Variants in TENM3 observed in about 807,000 individuals in gnomAD.
TENM3 encodes teneurin-3.
Under a neutral mutation model 255.1 loss-of-function variants are expected in TENM3, and 63 were observed. That is an observed-to-expected ratio of 0.25 (90% CI 0.20 to 0.30). TENM3 has a LOEUF of 0.30. Ranked by LOEUF, TENM3 falls within the 10% of genes least tolerant of loss-of-function variation. The pLI is 1.00. For missense variants in TENM3, 2,929 were observed against 3,461.1 expected, an observed-to-expected ratio of 0.85 and a Z score of 3.86; for synonymous variants, 1,306 against 1,322.3, an observed-to-expected ratio of 0.99 and a Z score of 0.27.
the TENM3 span, among the ~76,000 whole-genome samples, chr4:181,583,749 G>A: frequency 0.085 from 12,889 of 152,184 alleles, 696 homozygotes; most frequent in Middle Eastern, 0.13. Context: ...GTTATTAACT[G>A]TGTCTGTCCT....
intron 3 of TENM3, among the ~76,000 whole-genome samples, chr4:182,566,376 T>C (rs905983971): frequency 6.6e-6 from 1 of 152,218 alleles, no homozygotes; most frequent in African/African-American, 2.4e-5. Flanking sequence ...CTTATTACCA[T>C]TGGCTTCATG....
At chr4:182,663,494 A>G (rs896537319) in intron 6 of TENM3, among the ~76,000 whole-genome samples, 5 of 152,222 alleles carry the variant, frequency 3.3e-5, no homozygotes, top group African/African-American at 1.2e-4. Flanking sequence ...TTTTGATAAT[A>G]TGAAACATAA....
In TENM3 at chr4:182,729,109, A is replaced by G; in HGVS notation, c.2513A>G (p.Tyr838Cys). ...TCTCAGCAAGCTGCCAAATCCTTTTATGATCGAATCAGTTTCCTTATAGGA... is the reference window on the plus strand; with the variant it reads ...TCTCAGCAAGCTGCCAAATCCTTTTGTGATCGAATCAGTTTCCTTATAGGA... Reference protein sequence around the residue: ...SPSQQAAKSFYDRISFLIGSD... With the variant: ...SPSQQAAKSFCDRISFLIGSD... Residue 838 changes from tyrosine to cysteine, a missense_variant, in exon 14 of 28, where the codon TAT becomes TGT. Tyr to Cys is a radical substitution (Grantham distance 194). Around this residue, in one of 6 missense-constraint regions of TENM3, gnomAD observed 1,608 missense variants for 1,884.4 expected, o/e 0.85. Transcript: ENST00000511685. 6.2e-7 allele frequency: 1 copy of G among 1,614,040 alleles called. No homozygotes were observed. The highest frequency in any genetic ancestry group is 2.2e-5 in the East Asian group (1 of 44,878).
intron 4 of TENM3, among the ~76,000 whole-genome samples, chr4:182,627,046 C>T (rs1750885497): frequency 6.6e-6 from 1 of 152,146 alleles, no homozygotes; most frequent in South Asian, 2.1e-4. Context: ...ACTTTCATGA[C>T]TTTTACCGTA....
the TENM3 span, among the ~76,000 whole-genome samples, chr4:181,834,035 G>T: frequency 6.6e-6 from 1 of 151,708 alleles, no homozygotes; most frequent in Non-Finnish European, 1.5e-5. Flanking sequence ...AAGACCAATT[G>T]TATTCTCCAT....
At chr4:182,794,443 C>T (rs1156657251) in intron 26 of TENM3, among the ~76,000 whole-genome samples, 2 of 152,062 alleles carry the variant, frequency 1.3e-5, no homozygotes, top group African/African-American at 4.8e-5. Flanking sequence ...AAGGTGACAC[C>T]ATTTCATCCC....
chr4:181,847,083 C>T, the TENM3 span, among the ~76,000 whole-genome samples: 12 of 152,268 alleles, frequency 7.9e-5, no homozygotes, highest in South Asian at 2.1e-4. Flanking sequence ...TGCTGCTTTC[C>T]GAACACCAGC....
At chr4:182,480,311 T>TA (rs1255669931) in intron 3 of TENM3, among the ~76,000 whole-genome samples, 1 of 152,062 alleles carries the variant, frequency 6.6e-6, no homozygotes, top group Non-Finnish European at 1.5e-5. Context: ...TTTAGCAAGA[T>TA]ATCTTAAGTT....
At chr4:181,806,518 C>T in the TENM3 span, among the ~76,000 whole-genome samples, 4 of 152,322 alleles carry the variant, frequency 2.6e-5, no homozygotes, top group East Asian at 1.9e-4. Flanking sequence ...GCCATGAATG[C>T]GCCACCTTCC....
chr4:181,476,785 C>G, the TENM3 span, among the ~76,000 whole-genome samples: 2 of 152,126 alleles, frequency 1.3e-5, no homozygotes, highest in African/African-American at 4.8e-5. Context: ...ATTACCTCTT[C>G]CATCCACATA....
At chr4:181,637,055 A>C in the TENM3 span, among the ~76,000 whole-genome samples, 3 of 152,124 alleles carry the variant, frequency 2.0e-5, no homozygotes, top group African/African-American at 7.2e-5. Context: ...CTAGATACCC[A>C]TATGCCTTGC....
At position 182,792,774 on chromosome 4, in the gene TENM3, C is replaced by T. The variant is rs748799430; in HGVS notation, c.6102C>T (p.Ile2034=). Residue 2034 remains isoleucine, a synonymous_variant, in exon 26 of 28, where the codon ATC becomes ATT. Transcript: ENST00000511685. The surrounding 1 kb of genome is among the most constrained non-coding windows in gnomAD (Gnocchi z 6.3). The part of the protein sequence containing the change: ...SFRVTSMQGV[I]NETPLPIDLY... ...GAGTGACCAGCATGCAGGGTGTGAT[C>T]AATGAAACGCCACTGCCTATTGATC... The T allele has an allele frequency of 3.1e-6, 5 of 1,613,876 alleles. No homozygotes were observed. The South Asian group carries it at 5.5e-5, about 18-fold the overall frequency.
Position 182,679,756 on chromosome 4 carries a change from A to G in TENM3, c.1417A>G (p.Arg473Gly), listed in dbSNP as rs756472273. ...LETERAGRQA[R>G]SVSLHEAGFI... ...GACGGAGAGAGCCGGGCGGCAGGCG[A>G]GATCCGTCAGCCTTCATGAGGCCGG... is the stretch of plus-strand genomic sequence containing the variant. Residue 473 changes from arginine to glycine, a missense_variant, in exon 8 of 28, where the codon AGA becomes GGA. Transcript: ENST00000511685. The G allele has an allele frequency of 6.2e-7, 1 of 1,613,904 alleles. No homozygotes were observed. Among genetic ancestry groups the G allele is most frequent in the Admixed American group, 1.7e-5 (1 of 60,028 alleles).
upstream of TENM3, among the ~76,000 whole-genome samples, chr4:182,140,588 A>G (rs569016652): frequency 3.2e-4 from 49 of 152,332 alleles, no homozygotes; most frequent in African/African-American, 1.1e-3. Flanking sequence ...GATGTCCACA[A>G]GTGTCCTTGG....
At chr4:182,351,770 C>A (rs1665043081) in intron 3 of TENM3, among the ~76,000 whole-genome samples, 1 of 152,110 alleles carries the variant, frequency 6.6e-6, no homozygotes, top group Non-Finnish European at 1.5e-5. Context: ...TACCACCTCC[C>A]GACTTTGAGA....
chr4:181,859,155 A>C, the TENM3 span, among the ~76,000 whole-genome samples: 1 of 148,180 alleles, frequency 6.7e-6, no homozygotes, highest in Non-Finnish European at 1.5e-5. Flanking sequence ...AGGCAGGAGA[A>C]TCACTTGAAC....
At chr4:181,708,100 G>C in the TENM3 span, among the ~76,000 whole-genome samples, 5 of 152,136 alleles carry the variant, frequency 3.3e-5, no homozygotes, top group African/African-American at 1.2e-4. Flanking sequence ...TAAAGTGGGT[G>C]AAAAACAGTG....
chr4:182,060,547 G>C, the TENM3 span, among the ~76,000 whole-genome samples: 9 of 152,258 alleles, frequency 5.9e-5, no homozygotes, highest in African/African-American at 2.2e-4. Context: ...CTCACCTCCT[G>C]CTGTGTGGCC....
At chr4:181,724,898 C>T in the TENM3 span, among the ~76,000 whole-genome samples, 1 of 152,240 alleles carries the variant, frequency 6.6e-6, no homozygotes, top group Non-Finnish European at 1.5e-5. Flanking sequence ...GGGATAAAGG[C>T]CAGATTGCCA....
Sources: gnomAD v4.1 joint callset for allele counts (sites outside exome capture counted in the v4.1 genomes callset) on GRCh38, gnomAD v4.1.1 for gene constraint, gnomAD v4.1.1 regional missense constraint, Gnocchi (gnomAD v3.1) non-coding constraint, MANE v1.5 for transcripts, NCBI Gene and HGNC (gene_info 2026-07-23, HGNC 2026-07-21) for gene names.